Variants in SHCBP1 observed in about 807,000 individuals in gnomAD.
The protein encoded by SHCBP1 is SHC binding and spindle associated 1.
In SHCBP1, 60 loss-of-function variants were observed where a neutral mutation model predicts 75.1. The observed-to-expected ratio is 0.80, with a 90% CI of 0.65 to 0.99. The LOEUF is 0.99. Among genes scored for constraint, SHCBP1 ranks in the 50% least tolerant of loss-of-function variants. SHCBP1 has a pLI of 0.00. For synonymous variants in SHCBP1, 290 were observed against 293.2 expected, an observed-to-expected ratio of 0.99 and a Z score of 0.11; for missense variants, 709 against 809.4, an observed-to-expected ratio of 0.88 and a Z score of 1.50.
rs1042319783 is a variant in SHCBP1, at chr16:46,595,594, T to C, written c.1422A>G (p.Ser474=). 3 of 1,614,098 alleles carry C rather than the reference T, an allele frequency of 1.9e-6. No individual in the cohort carries two copies. The highest frequency in any genetic ancestry group is 2.5e-6 in the Non-Finnish European group (3 of 1,180,044). The change falls in exon 10 of 13, where the codon TCA becomes TCG. Residue 474 remains serine (S), a synonymous_variant. Coordinates refer to ENST00000303383, the MANE Select transcript of SHCBP1 (RefSeq NM_024745.5). Reference sequence around the variant, plus strand: ...CCGAGTTCTTCATTAGAAACTCTGCTGATGTCCGCACTGTGACTCCGGTCG... The same window carrying C: ...CCGAGTTCTTCATTAGAAACTCTGCCGATGTCCGCACTGTGACTCCGGTCG... ...CETTGVTVRT[S]AEFLMKNSDL...
At chr16:46,599,734 T>A in intron 9 of SHCBP1, 97 bp downstream of exon 9, 6 of 805,980 alleles carry the variant, frequency 7.4e-6, no homozygotes, top group Non-Finnish European at 8.3e-6. Context: ...ATGCCTGTAC[T>A]CAAGAGTGGC....
intron 1 of SHCBP1, among the ~76,000 whole-genome samples, chr16:46,620,243 G>A (rs1965564442): frequency 6.6e-6 from 1 of 152,046 alleles, no homozygotes; most frequent in South Asian, 2.1e-4. Context: ...GCACCATCAC[G>A]TCATTGCCTA....
chr16:46,595,236 G>T (rs1241826171), intron 10 of SHCBP1, among the ~76,000 whole-genome samples: 2 of 152,024 alleles, frequency 1.3e-5, no homozygotes, highest in African/African-American at 2.4e-5. Context: ...TACCATTAGG[G>T]GACACTGGTG....
intron 5 of SHCBP1, among the ~76,000 whole-genome samples, chr16:46,606,212 T>G (rs538135392): frequency 1.3e-5 from 2 of 152,306 alleles, no homozygotes; most frequent in Middle Eastern, 3.4e-3. Context: ...GAAGCAGTGT[T>G]GGTTTTTTTC....
intron 10 of SHCBP1, 59 bp from the exon 11 acceptor site, chr16:46,584,148 T>A: frequency 6.7e-6 from 8 of 1,191,108 alleles, no homozygotes; most frequent in Non-Finnish European, 8.4e-6. Context: ...ACTATAAGAG[T>A]TTATTACAAT....
At chr16:46,606,570 T>C (rs906537436) in intron 5 of SHCBP1, among the ~76,000 whole-genome samples, 1 of 152,236 alleles carries the variant, frequency 6.6e-6, no homozygotes, top group Admixed American at 6.5e-5. Context: ...TTGTCCGATA[T>C]ACGTTATGTT....
At chr16:46,618,625 T>G (rs1311776864) in intron 1 of SHCBP1, among the ~76,000 whole-genome samples, 2 of 152,176 alleles carry the variant, frequency 1.3e-5, no homozygotes, top group African/African-American at 4.8e-5. Flanking sequence ...TGTGAGGTTT[T>G]GGGGAGAAGT....
intron 8 of SHCBP1, among the ~76,000 whole-genome samples, chr16:46,600,511 G>A (rs555051593): frequency 1.3e-5 from 2 of 152,092 alleles, no homozygotes; most frequent in Non-Finnish European, 2.9e-5. Context: ...TTACAGCTGA[G>A]TCAAAGAACT....
In SHCBP1 at chr16:46,620,903, T is replaced by C. The variant is rs187051514; in HGVS notation, c.103+354A>G. The C allele has an allele frequency of 5.0e-3, 1,060 of 213,740 alleles. 41 individuals are homozygous for C. The Admixed American group carries it at 0.056, about 11-fold the overall frequency. The allele number at this position is 213,740 out of a possible 1,614,324, so 13.2% of individuals were successfully genotyped here. ...AGGGAAGTGTGGTTCGTGATCTCCT[T>C]TGAGATGCAGATGAAAAAATGGCCC... On this transcript the variant is annotated intron_variant, in intron 1 of 12. Transcript: ENST00000303383.
intron 4 of SHCBP1, among the ~76,000 whole-genome samples, chr16:46,612,347 A>T (rs1965429713): frequency 6.6e-6 from 1 of 152,200 alleles, no homozygotes. Context: ...ATAGACTGTG[A>T]TTATATATAA....
At chr16:46,602,546 A>T (rs1369207816) in intron 8 of SHCBP1, among the ~76,000 whole-genome samples, 1 of 152,088 alleles carries the variant, frequency 6.6e-6, no homozygotes, top group Admixed American at 6.5e-5. Context: ...TTGACATGTT[A>T]TGAAAATATA....
rs762684042 is a variant in SHCBP1 at position 46,603,547 on chromosome 16, T to C, written c.1205A>G (p.Glu402Gly). Residue 402 changes from glutamate (E) to glycine (G), a missense_variant, in exon 8 of 13, where the codon GAG (glutamate) becomes GGG (glycine). Coordinates refer to ENST00000303383, the MANE Select transcript of SHCBP1 (RefSeq NM_024745.5). ...HGTFSIADSIELEGYGLPDDI... is the reference protein window; with the variant it reads ...HGTFSIADSIGLEGYGLPDDI... ...GTGTCTTCCATACTCACCTTCCAAC[T>C]CAATGGAGTCAGCAATGGAGAAAGT... 23 of 1,614,118 alleles carry C rather than the reference T, an allele frequency of 1.4e-5. No homozygotes were observed. The highest frequency in any genetic ancestry group is 6.7e-5 in the Admixed American group (4 of 60,018).
At chr16:46,608,041 T>C (rs1965350217) in intron 5 of SHCBP1, among the ~76,000 whole-genome samples, 1 of 152,244 alleles carries the variant, frequency 6.6e-6, no homozygotes, top group Admixed American at 6.5e-5. Context: ...AACTTCCTGC[T>C]TTTAGACTCA....
At chr16:46,606,727 G>A (rs1488302352) in intron 5 of SHCBP1, among the ~76,000 whole-genome samples, 2 of 152,040 alleles carry the variant, frequency 1.3e-5, no homozygotes, top group East Asian at 1.9e-4. Context: ...TGGAAAAACT[G>A]GAAAGCCTAA....
At chr16:46,585,728 C>T (rs1964946264) in intron 10 of SHCBP1, among the ~76,000 whole-genome samples, 1 of 152,180 alleles carries the variant, frequency 6.6e-6, no homozygotes, top group Admixed American at 6.5e-5. Context: ...GCCAAGACAA[C>T]CACTCCCTCC....
intron 10 of SHCBP1, among the ~76,000 whole-genome samples, chr16:46,588,659 C>T (rs532816645): frequency 1.3e-5 from 2 of 152,108 alleles, no homozygotes; most frequent in Admixed American, 6.6e-5. Flanking sequence ...GTAACAGGTT[C>T]GGAAATTGAG....
In SHCBP1 at chr16:46,599,975, G is replaced by A. The variant is rs765967128; in HGVS notation, c.1214-13C>T. On this transcript the variant is annotated splice_polypyrimidine_tract_variant and intron_variant, in intron 8 of 12. Transcript: ENST00000303383. ...GGTAGGCCATATCCTAAGGAAGAGA[G>A]AGCAACAACACTCAAGATGGGTGAG... The A allele has an allele frequency of 6.2e-7, 1 of 1,612,006 alleles. No homozygotes were observed. Among genetic ancestry groups the A allele is most frequent in the East Asian group, 2.2e-5 (1 of 44,782 alleles).
In SHCBP1 at chr16:46,578,682, A is replaced by G. The variant is rs1229901806; in HGVS notation, c.*3047T>C. On this transcript the variant is annotated 3_prime_UTR_variant, in exon 13 of 13. Transcript: ENST00000303383. ...CCACATATAAGACTTTAAAACATAT[A>G]CATATATATATTTAATCACAGAATA... Among the ~76,000 whole-genome samples, 1 of 152,216 alleles carries G rather than the reference A, an allele frequency of 6.6e-6. No homozygotes were observed. Among genetic ancestry groups the G allele is most frequent in the Non-Finnish European group, 1.5e-5 (1 of 68,036 alleles).
chr16:46,596,368 G>A (rs889194047), intron 9 of SHCBP1, among the ~76,000 whole-genome samples: 21 of 151,838 alleles, frequency 1.4e-4, no homozygotes, highest in African/African-American at 4.3e-4. Context: ...TTAGCCGAGC[G>A]TGGTGGTGGG....
Sources: gnomAD v4.1 joint callset for allele counts (sites outside exome capture counted in the v4.1 genomes callset) on GRCh38, gnomAD v4.1.1 for gene constraint, MANE v1.5 for transcripts, NCBI Gene and HGNC (gene_info 2026-07-23, HGNC 2026-07-21) for gene names.